Variants in STYX observed in about 807,000 individuals in gnomAD.
STYX encodes serine/threonine/tyrosine-interacting protein.
Under a neutral mutation model 42.7 loss-of-function variants are expected in STYX, and 20 were observed. That is an observed-to-expected ratio of 0.47 (90% CI 0.33 to 0.68). The LOEUF (loss-of-function observed/expected upper bound fraction) is 0.68. STYX is among the 30% of genes least tolerant of loss of function. STYX has a pLI of 0.02. For synonymous variants in STYX, 78 were observed against 81.9 expected (o/e 0.95, Z 0.26); for missense variants, 226 against 268.5 (o/e 0.84, Z 1.11).
chr14:52,763,376 T>G (rs1882175247), intron 9 of STYX, among the ~76,000 whole-genome samples: 1 of 152,224 alleles, frequency 6.6e-6, no homozygotes, highest in Non-Finnish European at 1.5e-5. Flanking sequence ...GTATTCTAAT[T>G]TCTGCTTCCT....
In STYX at chr14:52,730,274, C is replaced by T. The variant is rs1006385172; in HGVS notation, c.-201C>T. 55 of 597,920 alleles carry T rather than the reference C, an allele frequency of 9.2e-5. No individual in the cohort carries two copies. Among genetic ancestry groups the T allele is most frequent in the Non-Finnish European group, 1.4e-4 (47 of 334,956 alleles). The allele number at this position is 597,920 out of a possible 1,614,324, so 37.0% of individuals were successfully genotyped here. ...GCGGCCGGGTGTAAGACGCCCGACCCTCCTCTTCCCTGTCTTCGCCGCCGC... is the reference window on the plus strand; with the variant it reads ...GCGGCCGGGTGTAAGACGCCCGACCTTCCTCTTCCCTGTCTTCGCCGCCGC... On this transcript the variant is annotated 5_prime_UTR_variant, in exon 1 of 11. Coordinates refer to ENST00000354586, the MANE Select transcript of STYX (RefSeq NM_145251.4).
At chr14:52,741,103 A>G (rs1307685357) in intron 1 of STYX, among the ~76,000 whole-genome samples, 2 of 152,058 alleles carry the variant, frequency 1.3e-5, no homozygotes, top group Admixed American at 6.5e-5. Context: ...CCTGAGTACT[A>G]CTATTCCTTT....
intron 5 of STYX, 25 bp downstream of exon 5, chr14:52,756,636 TC>T: frequency 5.8e-6 from 6 of 1,026,270 alleles, no homozygotes; most frequent in African/African-American, 1.7e-5. Context: ...TTTTTAAATA[TC>T]ATTTAAAATT....
At chr14:52,734,728 T>C (rs1350134119) in intron 1 of STYX, among the ~76,000 whole-genome samples, 1 of 152,232 alleles carries the variant, frequency 6.6e-6, no homozygotes, top group African/African-American at 2.4e-5. Flanking sequence ...TGGTATCTTT[T>C]GGTTGCAAGC....
At chr14:52,750,113 A>C (rs529020296) in intron 3 of STYX, among the ~76,000 whole-genome samples, 1 of 152,332 alleles carries the variant, frequency 6.6e-6, no homozygotes, top group East Asian at 1.9e-4. Context: ...GAATATAATA[A>C]GATGTCATTG....
rs1212388909 is a variant in STYX, at chr14:52,756,544, T to C, written c.243-7T>C. The C allele has an allele frequency of 1.3e-6, 2 of 1,496,672 alleles. No individual in the cohort carries two copies. The highest frequency in any genetic ancestry group is 2.1e-5 in the Admixed American group (1 of 48,582). 92.7% of individuals were successfully genotyped at this position (1,496,672 alleles called of 1,614,324 possible). On this transcript the variant is annotated splice_polypyrimidine_tract_variant and splice_region_variant and intron_variant, in intron 4 of 10. Coordinates refer to ENST00000354586, the MANE Select transcript of STYX (RefSeq NM_145251.4). ...AGTGTGCTTATCACAAAATACTCTA[T>C]TTTCAGATATTTAGTCCTGGATATT...
chr14:52,759,554 A>G, intron 8 of STYX, 128 bp from the exon 9 acceptor site: 2 of 683,478 alleles, frequency 2.9e-6, no homozygotes, highest in Non-Finnish European at 2.5e-6. Flanking sequence ...GAGAAAAGGA[A>G]TTGTGATATT....
chr14:52,756,477 T>C, intron 4 of STYX, 74 bp from the exon 5 acceptor site: 1 of 864,516 alleles, frequency 1.2e-6, no homozygotes, highest in Non-Finnish European at 1.8e-6. Flanking sequence ...TAACAAGAAA[T>C]AATGAGTTAT....
At chr14:52,770,017 T>C (rs1303450288) in intron 10 of STYX, among the ~76,000 whole-genome samples, 2 of 152,094 alleles carry the variant, frequency 1.3e-5, no homozygotes, top group Admixed American at 6.6e-5. Flanking sequence ...GTGTGTCTTC[T>C]TTTCCCCACC....
intron 9 of STYX, among the ~76,000 whole-genome samples, chr14:52,765,092 G>T (rs1882250519): frequency 2.6e-5 from 4 of 152,194 alleles, no homozygotes; most frequent in Admixed American, 2.6e-4. Flanking sequence ...CTATCCCTTT[G>T]CATATTGGAA....
At chr14:52,764,796 G>C (rs183209080) in intron 9 of STYX, among the ~76,000 whole-genome samples, 1 of 150,666 alleles carries the variant, frequency 6.6e-6, no homozygotes, top group Non-Finnish European at 1.5e-5. Context: ...AGCCTCCCGA[G>C]TAGCTGGGAT....
chr14:52,732,659 T>C (rs571568351), intron 1 of STYX, among the ~76,000 whole-genome samples: 9 of 151,540 alleles, frequency 5.9e-5, no homozygotes, highest in African/African-American at 1.7e-4. Flanking sequence ...GAATGAAGAG[T>C]ATGCTTTTAT....
chr14:52,753,047 ATT>A (rs959737468), intron 4 of STYX, among the ~76,000 whole-genome samples: 1 of 88,656 alleles, frequency 1.1e-5, no homozygotes. Context: ...CACCCAGCTA[ATT>A]TTTTTTTTTT....
chr14:52,731,337 C>T (rs1410982962), intron 1 of STYX, among the ~76,000 whole-genome samples: 1 of 151,588 alleles, frequency 6.6e-6, no homozygotes, highest in Non-Finnish European at 1.5e-5. Context: ...TTAAAAATAC[C>T]TTTAAAGTAG....
At position 52,757,937 on chromosome 14, in the gene STYX, C is replaced by A; in HGVS notation, c.431+13C>A. 1.2e-6 allele frequency: 2 copies of A among 1,609,508 alleles called. No homozygotes were observed. Among genetic ancestry groups the A allele is most frequent in the Admixed American group, 1.7e-5 (1 of 59,812 alleles). On this transcript the variant is annotated intron_variant, in intron 8 of 10. Transcript: ENST00000354586. ...GAATGAAGTACAGGTAAGAAAATAC[C>A]CTAAAACCTAGCCACAGTTTAAATT...
Position 52,773,743 on chromosome 14 carries a change from C to G in STYX, c.*2637C>G, listed in dbSNP as rs1363281588. On this transcript the variant is annotated 3_prime_UTR_variant, in exon 11 of 11. Coordinates refer to ENST00000354586, the MANE Select transcript of STYX (RefSeq NM_145251.4). ...CTGTCCACCTAATGTTTAAGTAGTT[C>G]TGGTAGCTCTTCCTATTCTTTATTC... 3 of 152,060 alleles carry G rather than the reference C, an allele frequency of 2.0e-5. No individual in the cohort carries two copies. Among genetic ancestry groups the G allele is most frequent in the Non-Finnish European group, 4.4e-5 (3 of 68,004 alleles). 9.4% of individuals were successfully genotyped at this position (152,060 alleles called of 1,614,324 possible).
At position 52,744,281 on chromosome 14, in the gene STYX, A is replaced by G. The variant is rs141303926; in HGVS notation, c.58-571A>G. On this transcript the variant is annotated intron_variant, in intron 1 of 10. Transcript: ENST00000354586. Reference sequence around the variant, plus strand: ...AAAATGAAGTCTCTTATGTTTTGTGATATGTGTTAAAATAATTGAACTAGA... The same window carrying G: ...AAAATGAAGTCTCTTATGTTTTGTGGTATGTGTTAAAATAATTGAACTAGA... Among the ~76,000 whole-genome samples the G allele has an allele frequency of 2.1e-3, 317 of 152,196 alleles. 1 individual carries two copies. Among genetic ancestry groups the G allele is most frequent in the African/African-American group, 7.5e-3 (310 of 41,518 alleles).
intron 10 of STYX, 110 bp from the exon 11 acceptor site, chr14:52,770,923 G>A: frequency 1.1e-5 from 8 of 742,082 alleles, no homozygotes; most frequent in Non-Finnish European, 1.6e-5. Flanking sequence ...ATCAGTTGTG[G>A]AATTTTCATA....
At chr14:52,730,660 C>T in intron 1 of STYX, 129 bp downstream of exon 1, 1 of 1,008,946 alleles carries the variant, frequency 9.9e-7, no homozygotes, top group Non-Finnish European at 1.4e-6. Context: ...GTCCCGGGAC[C>T]TCTGAAGCCG....
Sources: allele counts gnomAD v4.1 joint callset (sites outside exome capture counted in the v4.1 genomes callset), GRCh38; gene constraint gnomAD v4.1.1; transcripts MANE v1.5; gene names NCBI Gene and HGNC (gene_info 2026-07-23, HGNC 2026-07-21).